Variants in TEX2 observed in about 807,000 individuals in gnomAD.
TEX2 encodes the protein testis-expressed protein 2.
A neutral mutation model predicts 106.9 loss-of-function variants in TEX2; 53 were observed. The observed-to-expected ratio is 0.50, with a 90% CI of 0.40 to 0.62. The LOEUF (loss-of-function observed/expected upper bound fraction) is 0.62. TEX2 is among the 20% of genes least tolerant of loss of function. TEX2 has a pLI of 0.00. For synonymous variants in TEX2, 523 were observed against 534.8 expected (o/e 0.98, Z 0.30); for missense variants, 1,207 against 1,379.0 (o/e 0.88, Z 1.98).
intron 1 of TEX2, among the ~76,000 whole-genome samples, chr17:64,228,975 T>TTC (rs770195274): frequency 1.8e-3 from 268 of 148,092 alleles, no homozygotes; most frequent in Non-Finnish European, 2.9e-3. Flanking sequence ...CACACACCTT[T>TTC]TCTACACAGT....
rs1555632731 is a variant in TEX2, at chr17:64,217,023, A to G, written c.-25-2781T>C. Reference sequence around the variant, plus strand: ...TCCACTTCTCTAGATTTTTACTAAAATAAGCCACACGAGGCCGGAGCATCA... The same window carrying G: ...TCCACTTCTCTAGATTTTTACTAAAGTAAGCCACACGAGGCCGGAGCATCA... On this transcript the variant is annotated intron_variant, in intron 1 of 11. Coordinates refer to ENST00000584379, the MANE Select transcript of TEX2 (RefSeq NM_001288732.2). This position sits in a 1 kb window ranked among gnomAD's most constrained non-coding sequence, Gnocchi z 4.3. Among the ~76,000 whole-genome samples the G allele has an allele frequency of 6.6e-6, 1 of 152,222 alleles. No individual in the cohort carries two copies. Among genetic ancestry groups the G allele is most frequent in the Admixed American group, 6.5e-5 (1 of 15,284 alleles).
intron 1 of TEX2, chr17:64,242,149 T>C (rs1339146860): frequency 6.6e-6 from 1 of 152,230 alleles, no homozygotes; most frequent in African/African-American, 2.4e-5. Flanking sequence ...AAATTCCATA[T>C]AGTTCAGAAG....
rs560019865 is a variant in TEX2, at chr17:64,219,110, G to A, written c.-25-4868C>T. Among the ~76,000 whole-genome samples the A allele has an allele frequency of 1.9e-3, 288 of 152,174 alleles. 1 individual carries two copies. The highest frequency in any genetic ancestry group is 6.6e-3 in the African/African-American group (275 of 41,534). On this transcript the variant is annotated intron_variant, in intron 1 of 11. Coordinates refer to ENST00000584379, the MANE Select transcript of TEX2 (RefSeq NM_001288732.2). Reference sequence around the variant, plus strand: ...AAGCAGATGAGGAAACAAGACTAAGGACCAGCAGAAATAGAATATAACAGA... The same window carrying A: ...AAGCAGATGAGGAAACAAGACTAAGAACCAGCAGAAATAGAATATAACAGA...
intron 7 of TEX2, among the ~76,000 whole-genome samples, chr17:64,167,051 G>A (rs909044772): frequency 3.3e-5 from 5 of 152,210 alleles, no homozygotes; most frequent in African/African-American, 7.2e-5. Flanking sequence ...AGCACAGCCA[G>A]TTTCTAAGGG....
intron 2 of TEX2, among the ~76,000 whole-genome samples, chr17:64,211,579 A>T (rs1379699323): frequency 1.3e-5 from 2 of 152,348 alleles, no homozygotes; most frequent in Non-Finnish European, 2.9e-5. Flanking sequence ...ACATTATGTT[A>T]GGTATTATAA....
At chr17:64,192,842 C>T (rs2032344151) in intron 4 of TEX2, among the ~76,000 whole-genome samples, 1 of 152,198 alleles carries the variant, frequency 6.6e-6, no homozygotes, top group Non-Finnish European at 1.5e-5. Context: ...AGAGAAAGCC[C>T]CAGAGTGGCT....
In TEX2 at chr17:64,214,002, C is replaced by T; in HGVS notation, c.216G>A (p.Lys72=). Residue 72 remains lysine (K), a synonymous_variant, in exon 2 of 12, where the codon AAG becomes AAA. Transcript: ENST00000584379. The part of the protein sequence containing the change: ...DQSIVTGLEA[K]EDLYLEPQVG... ...CTTGGGGTTCAAGATAGAGGTCTTC[C>T]TTGGCTTCCAGCCCTGTTACAATGC... 1.2e-6 allele frequency: 2 copies of T among 1,614,192 alleles called. No individual in the cohort carries two copies. The highest frequency in any genetic ancestry group is 1.1e-5 in the South Asian group (1 of 91,086).
chr17:64,240,820 G>A (rs1370474962), intron 1 of TEX2, among the ~76,000 whole-genome samples: 1 of 152,142 alleles, frequency 6.6e-6, no homozygotes, highest in African/African-American at 2.4e-5. Context: ...TATGGCAATG[G>A]ATCTGTCAAC....
chr17:64,207,390 G>C (rs934572677), intron 2 of TEX2, among the ~76,000 whole-genome samples: 10 of 151,534 alleles, frequency 6.6e-5, no homozygotes, highest in Non-Finnish European at 1.3e-4. Flanking sequence ...GCCTGTCTTG[G>C]AGATCTCGGT....
chr17:64,213,831 T>C lies in TEX2; in HGVS notation c.387A>G (p.Thr129=). 6.2e-7 allele frequency: 1 copy of C among 1,614,212 alleles called. No homozygotes were observed. The highest frequency in any genetic ancestry group is 1.3e-5 in the African/African-American group (1 of 75,046). ...SPVPAAQVLS[T]VPLAVSPGSS... Reference sequence around the variant, plus strand: ...ACCCTGGGGACACAGCCAATGGCACTGTACTTAATACTTGTGCTGCTGGAA... The same window carrying C: ...ACCCTGGGGACACAGCCAATGGCACCGTACTTAATACTTGTGCTGCTGGAA... The change falls in exon 2 of 12, where the codon ACA becomes ACG. Residue 129 remains threonine, a synonymous_variant. Transcript: ENST00000584379. The surrounding 1 kb of genome is among the most constrained non-coding windows in gnomAD (Gnocchi z 4.4).
intron 8 of TEX2, among the ~76,000 whole-genome samples, chr17:64,157,346 T>C (rs1247547808): frequency 2.0e-5 from 3 of 152,224 alleles, no homozygotes; most frequent in African/African-American, 7.2e-5. Context: ...GCCAAAAATC[T>C]TTTGGAAATG....
At position 64,152,871 on chromosome 17, in the gene TEX2, G is replaced by A. The variant is rs1461054008; in HGVS notation, c.3140+74C>T. ...AGAAGGTACTTTCCATAACCTCAAG[G>A]TTAAGCAGGCTGGGATTTCTGTGGC... On this transcript the variant is annotated intron_variant, in intron 10 of 11. Transcript: ENST00000584379. The A allele has an allele frequency of 2.0e-6, 3 of 1,488,830 alleles. No homozygotes were observed. The African/African-American group carries it at 4.2e-5, about 21-fold the overall frequency. The allele number at this position is 1,488,830 out of a possible 1,614,324, so 92.2% of individuals were successfully genotyped here. A position where few individuals can be genotyped will look rare whatever the true frequency, so the allele number is the denominator to read the frequency against.
rs1455791846 is a variant in TEX2, at chr17:64,147,597, A to G, written c.*1372T>C. ...TAGTTATTGCACAACAATTATAAAGACCAGTGACCAGGACACGTGGACTCT... is the reference window on the plus strand; with the variant it reads ...TAGTTATTGCACAACAATTATAAAGGCCAGTGACCAGGACACGTGGACTCT... On this transcript the variant is annotated 3_prime_UTR_variant, in exon 12 of 12. Transcript: ENST00000584379. 2.0e-5 allele frequency: 3 copies of G among 152,618 alleles called. No homozygotes were observed. The highest frequency in any genetic ancestry group is 6.5e-5 in the Admixed American group (1 of 15,286). The allele number at this position is 152,618 out of a possible 1,614,324, so 9.5% of individuals were successfully genotyped here.
At chr17:64,172,281 A>T (rs188569707) in intron 6 of TEX2, among the ~76,000 whole-genome samples, 6 of 149,494 alleles carry the variant, frequency 4.0e-5, no homozygotes, top group African/African-American at 1.5e-4. Context: ...TGAACCTGAG[A>T]GGTGGAGGTT....
intron 4 of TEX2, among the ~76,000 whole-genome samples, chr17:64,190,583 G>C (rs185569031): frequency 6.6e-6 from 1 of 152,250 alleles, no homozygotes; most frequent in East Asian, 1.9e-4. Flanking sequence ...CAAAGCACAG[G>C]AGTCGTCACT....
At chr17:64,202,089 A>G (rs1484038419) in intron 2 of TEX2, among the ~76,000 whole-genome samples, 1 of 105,516 alleles carries the variant, frequency 9.5e-6, no homozygotes, top group Non-Finnish European at 2.3e-5. Context: ...AGAAAAACCA[A>G]GGTAAAAATG....
At chr17:64,182,387 T>G (rs2031913186) in intron 5 of TEX2, among the ~76,000 whole-genome samples, 1 of 152,140 alleles carries the variant, frequency 6.6e-6, no homozygotes, top group African/African-American at 2.4e-5. Flanking sequence ...AAGAGAATGG[T>G]GGGGGTCAAT....
At chr17:64,163,035 T>A (rs2030959085) in intron 7 of TEX2, among the ~76,000 whole-genome samples, 1 of 152,164 alleles carries the variant, frequency 6.6e-6, no homozygotes, top group Admixed American at 6.5e-5. Context: ...GGGTCTGTTT[T>A]AAACACTGAA....
intron 5 of TEX2, among the ~76,000 whole-genome samples, chr17:64,178,939 T>C (rs996424782): frequency 6.6e-6 from 1 of 152,242 alleles, no homozygotes; most frequent in Admixed American, 6.5e-5. Context: ...GATTTGAATC[T>C]GCAGATCCAA....
Sources: allele counts gnomAD v4.1 joint callset (sites outside exome capture counted in the v4.1 genomes callset), GRCh38; gene constraint gnomAD v4.1.1; non-coding constraint Gnocchi (gnomAD v3.1); transcripts MANE v1.5; gene names NCBI Gene and HGNC (gene_info 2026-07-23, HGNC 2026-07-21).